MAPT: variants seen among roughly 807,000 people sequenced by gnomAD.
MAPT encodes the protein microtubule-associated protein tau.
Under a neutral mutation model 67.9 loss-of-function variants are expected in MAPT, and 34 were observed. The ratio of observed to expected loss-of-function variants is 0.50; its 90% CI spans 0.38 to 0.67. The LOEUF (loss-of-function observed/expected upper bound fraction) is 0.67. MAPT is among the 30% of genes least tolerant of loss of function. The pLI is 0.00. For missense variants in MAPT, 881 were observed against 1,115.2 expected (o/e 0.79, Z 2.99); for synonymous variants, 456 against 464.5 (o/e 0.98, Z 0.23).
chr17:45,959,762 CAA>C (rs893896847), intron 1 of MAPT, among the ~76,000 whole-genome samples: 19 of 151,544 alleles, frequency 1.3e-4, no homozygotes, highest in Admixed American at 4.6e-4. Context: ...GCCTGGGTGA[CAA>C]GAGTGAAACT....
chr17:45,924,766 T>C (rs2066112278), intron 1 of MAPT, among the ~76,000 whole-genome samples: 2 of 152,352 alleles, frequency 1.3e-5, no homozygotes, highest in East Asian at 3.9e-4. Context: ...TGCAAACCGC[T>C]GAGGTAGGAC....
At chr17:45,950,595 G>T (rs1220527730) in intron 1 of MAPT, among the ~76,000 whole-genome samples, 5 of 152,048 alleles carry the variant, frequency 3.3e-5, no homozygotes, top group African/African-American at 1.2e-4. Context: ...CTCCATTGTT[G>T]TCAGAAAAGT....
rs566319171 is a variant in MAPT at position 45,998,522 on chromosome 17, G to A, written c.1998+1858G>A. ...AGAGCTCCCTGGAACACAGGAGGGA[G>A]GGAAGGAAGAGAACATCTCAGAATC... On this transcript the variant is annotated intron_variant, in intron 9 of 12. Transcript: ENST00000262410. 3.3e-5 allele frequency among the ~76,000 whole-genome samples: 5 copies of A among 152,298 alleles called. No homozygotes were observed. In the East Asian group the frequency reaches 9.6e-4, roughly 29 times the overall value.
chr17:45,989,780 C>A (rs551403033), intron 6 of MAPT, 98 bp from the exon 7 acceptor site: 6 of 1,084,510 alleles, frequency 5.5e-6, no homozygotes, highest in South Asian at 5.0e-5. Context: ...TCAACCATTA[C>A]CTGCCTTATT....
intron 1 of MAPT, among the ~76,000 whole-genome samples, chr17:45,913,413 T>C (rs1241282836): frequency 2.0e-5 from 3 of 152,216 alleles, no homozygotes; most frequent in Non-Finnish European, 4.4e-5. Context: ...TTTGTTACCA[T>C]ATCAGTTACC....
chr17:45,905,761 T>C (rs2064262143), intron 1 of MAPT, among the ~76,000 whole-genome samples: 1 of 152,220 alleles, frequency 6.6e-6, no homozygotes, highest in Admixed American at 6.5e-5. Context: ...GAGATTATAC[T>C]GTCTTCCCCC....
chr17:45,983,016 C>T lies in MAPT; in HGVS notation c.437C>T (p.Pro146Leu), dbSNP rs868341092. 10 of 1,465,250 alleles carry T rather than the reference C, an allele frequency of 6.8e-6. No homozygotes were observed. Among genetic ancestry groups the T allele is most frequent in the South Asian group, 4.2e-5 (3 of 71,430 alleles). The allele number at this position is 1,465,250 out of a possible 1,614,324, so 90.8% of individuals were successfully genotyped here. The change falls in exon 5 of 13, where the codon CCG (proline) becomes CTG (leucine). Residue 146 changes from proline (P) to leucine (L), a missense_variant. Coordinates refer to ENST00000262410, the MANE Select transcript of MAPT (RefSeq NM_001377265.1). ...GAGAAAGAGCCAGAAGCTCCCGTCC[C>T]GCTGACCGCGAGCCTTCCTCAGCAC... ...LGEKEPEAPV[P>L]LTASLPQHRP... is the part of the protein sequence containing the mutation.
intron 1 of MAPT, among the ~76,000 whole-genome samples, chr17:45,941,665 C>T (rs1356405727): frequency 0.011 from 267 of 23,680 alleles, 8 homozygotes; most frequent in East Asian, 0.068. Context: ...CACCCTTCCC[C>T]CCTTCCCCCC....
intron 1 of MAPT, among the ~76,000 whole-genome samples, chr17:45,928,813 A>G (rs2066593355): frequency 6.6e-6 from 1 of 152,156 alleles, no homozygotes; most frequent in African/African-American, 2.4e-5. Flanking sequence ...CTCCTGCCTC[A>G]GCCTCCTGAG....
chr17:45,947,186 C>G (rs62062784), intron 1 of MAPT, among the ~76,000 whole-genome samples: 21,735 of 151,944 alleles, frequency 0.14, 2,104 homozygotes, highest in Non-Finnish European at 0.22. Flanking sequence ...TTACTGAGCA[C>G]CTCCCAGTGG....
At chr17:45,953,041 C>G (rs2069248228) in intron 1 of MAPT, among the ~76,000 whole-genome samples, 2 of 136,728 alleles carry the variant, frequency 1.5e-5, no homozygotes, top group South Asian at 5.1e-4. Context: ...ATGACACCTA[C>G]CTCAAGGATT....
chr17:45,926,069 T>G (rs969636809), intron 1 of MAPT, among the ~76,000 whole-genome samples: 6 of 151,814 alleles, frequency 4.0e-5, no homozygotes, highest in African/African-American at 1.5e-4. Context: ...AAATTAGCCA[T>G]GTGTGGTGGC....
intron 1 of MAPT, among the ~76,000 whole-genome samples, chr17:45,934,425 T>C (rs2067134345): frequency 6.6e-6 from 1 of 152,192 alleles, no homozygotes; most frequent in African/African-American, 2.4e-5. Context: ...AAGTTACGCA[T>C]GTGTGTATTT....
rs1420064591 is a variant in MAPT, at chr17:45,906,024, C to A, written c.-18+11338C>A. On this transcript the variant is annotated intron_variant, in intron 1 of 12. Transcript: ENST00000262410. This position sits in a 1 kb window ranked among gnomAD's most constrained non-coding sequence, Gnocchi z 4.3. Reference sequence around the variant, plus strand: ...TGCAGCTGGTTCCTAGGGGTGAGGGCTGAGCCAGCAGGGTCCGTGCCCAGG... The same window carrying A: ...TGCAGCTGGTTCCTAGGGGTGAGGGATGAGCCAGCAGGGTCCGTGCCCAGG... Among the ~76,000 whole-genome samples, 1 of 152,186 alleles carries A rather than the reference C, an allele frequency of 6.6e-6. No individual in the cohort carries two copies. The highest frequency in any genetic ancestry group is 1.5e-5 in the Non-Finnish European group (1 of 68,028).
intron 1 of MAPT, among the ~76,000 whole-genome samples, chr17:45,942,717 GA>G (rs1348699768): frequency 6.6e-6 from 1 of 152,242 alleles, no homozygotes; most frequent in East Asian, 1.9e-4. Context: ...ACAGGAGACA[GA>G]AAAGTTTGGC....
intron 9 of MAPT, among the ~76,000 whole-genome samples, chr17:46,009,831 GC>G (rs1460742110): frequency 6.6e-6 from 1 of 152,234 alleles, no homozygotes; most frequent in Admixed American, 6.5e-5. Flanking sequence ...TGATTCTGAT[GC>G]CCGGCAGGCT....
chr17:46,015,546 C>A (rs2076120837), intron 11 of MAPT, among the ~76,000 whole-genome samples: 2 of 151,746 alleles, frequency 1.3e-5, no homozygotes, highest in South Asian at 4.2e-4. Context: ...ATAGTCCCAG[C>A]TACTCACAAG....
At chr17:45,936,412 C>T (rs1053182803) in intron 1 of MAPT, among the ~76,000 whole-genome samples, 7 of 152,244 alleles carry the variant, frequency 4.6e-5, no homozygotes, top group Non-Finnish European at 1.0e-4. Flanking sequence ...AGAGGACATA[C>T]ATGCACATGC....
intron 1 of MAPT, among the ~76,000 whole-genome samples, chr17:45,943,749 C>T (rs1301477631): frequency 2.6e-5 from 4 of 152,298 alleles, no homozygotes; most frequent in Middle Eastern, 3.4e-3. Flanking sequence ...CCCCCCAGAT[C>T]GCCTTCCTTG....
Sources: allele counts gnomAD v4.1 joint callset (sites outside exome capture counted in the v4.1 genomes callset), GRCh38; gene constraint gnomAD v4.1.1; non-coding constraint Gnocchi (gnomAD v3.1); transcripts MANE v1.5; gene names NCBI Gene and HGNC (gene_info 2026-07-23, HGNC 2026-07-21).